The following ZNF521 variants were observed in gnomAD, a reference collection of about 807,000 sequenced individuals.
ZNF521 encodes LYST-interacting protein 3.
In ZNF521, 14 loss-of-function variants were observed where a neutral mutation model predicts 105.5. The observed-to-expected ratio is 0.13, with a 90% CI of 0.09 to 0.21. ZNF521 has a LOEUF of 0.21. ZNF521 is among the 10% of genes least tolerant of loss of function. The probability of loss-of-function intolerance (pLI) is 1.00; values close to 1 mark genes in which losing one functional copy is unlikely to be tolerated. For missense variants in ZNF521, 1,233 were observed against 1,629.7 expected, an observed-to-expected ratio of 0.76 and a Z score of 4.19; for synonymous variants, 635 against 606.0, an observed-to-expected ratio of 1.05 and a Z score of -0.70.
intron 5 of ZNF521, among the ~76,000 whole-genome samples, chr18:25,106,015 T>C (rs1483367971): frequency 2.0e-5 from 3 of 151,030 alleles, no homozygotes; most frequent in South Asian, 2.1e-4. Context: ...GGTATTCGTT[T>C]TGTTGTTGTT....
intron 5 of ZNF521, among the ~76,000 whole-genome samples, chr18:25,103,784 G>C (rs2034015499): frequency 7.1e-6 from 1 of 141,264 alleles, no homozygotes; most frequent in African/African-American, 2.7e-5. Context: ...AGAAGGGTGA[G>C]AGGAAGGAAG....
intron 5 of ZNF521, among the ~76,000 whole-genome samples, chr18:25,110,994 C>T (rs1390949135): frequency 6.6e-6 from 1 of 151,976 alleles, no homozygotes; most frequent in Non-Finnish European, 1.5e-5. Context: ...AACTCCTGGC[C>T]TTAAGTGTTC....
At chr18:25,241,922 T>G (rs150884246) in intron 3 of ZNF521, among the ~76,000 whole-genome samples, 5 of 152,322 alleles carry the variant, frequency 3.3e-5, no homozygotes, top group Admixed American at 6.5e-5. Flanking sequence ...ATGCGTGCTT[T>G]TAACAAGTAA....
chr18:25,346,484 C>T (rs1190988947), intron 2 of ZNF521, among the ~76,000 whole-genome samples: 1 of 152,150 alleles, frequency 6.6e-6, no homozygotes, highest in African/African-American at 2.4e-5. Flanking sequence ...CAGCCTAATA[C>T]ACAGGTTTTC....
intron 5 of ZNF521, among the ~76,000 whole-genome samples, chr18:25,113,793 C>CACACAG (rs1053377440): frequency 6.1e-5 from 9 of 147,864 alleles, no homozygotes; most frequent in Non-Finnish European, 1.1e-4. Context: ...CACACACACA[C>CACACAG]AGAGACGGGG....
At chr18:25,334,946 T>C (rs556636641) in intron 2 of ZNF521, among the ~76,000 whole-genome samples, 1 of 152,324 alleles carries the variant, frequency 6.6e-6, no homozygotes, top group South Asian at 2.1e-4. Context: ...CCTAACATTT[T>C]ACTGGTAAGA....
At chr18:25,297,497 T>C (rs986284579) in intron 3 of ZNF521, among the ~76,000 whole-genome samples, 1 of 152,178 alleles carries the variant, frequency 6.6e-6, no homozygotes, top group African/African-American at 2.4e-5. Context: ...TTTGAAATTT[T>C]TTGACTATAA....
At chr18:25,261,709 GCT>G (rs1362129865) in intron 3 of ZNF521, among the ~76,000 whole-genome samples, 1 of 151,628 alleles carries the variant, frequency 6.6e-6, no homozygotes, top group East Asian at 1.9e-4. Context: ...TTGAGCAGAG[GCT>G]GTCCAGTCTC....
intron 4 of ZNF521, among the ~76,000 whole-genome samples, chr18:25,216,087 G>A (rs1389571677): frequency 6.6e-6 from 1 of 152,104 alleles, no homozygotes; most frequent in East Asian, 1.9e-4. Context: ...GCAAAACTTA[G>A]TATCAGCAAT....
chr18:25,136,698 C>T (rs976654049), intron 5 of ZNF521: 22 of 152,194 alleles, frequency 1.4e-4, no homozygotes, highest in African/African-American at 4.1e-4. Context: ...GCACTGATTA[C>T]AGAGGTGTGG....
chr18:25,276,810 C>A (rs4281800), intron 3 of ZNF521, among the ~76,000 whole-genome samples: 73,661 of 152,092 alleles, frequency 0.48, 20,091 homozygotes, highest in African/African-American at 0.75. Flanking sequence ...TTTATTTTAC[C>A]TTTAACAAAA....
intron 7 of ZNF521, among the ~76,000 whole-genome samples, chr18:25,066,797 A>G (rs779424190): frequency 6.6e-6 from 1 of 152,198 alleles, no homozygotes; most frequent in Non-Finnish European, 1.5e-5. Flanking sequence ...GCCATCCACA[A>G]GCAGCCTTCT....
intron 4 of ZNF521, among the ~76,000 whole-genome samples, chr18:25,216,246 C>A (rs1031347185): frequency 6.6e-6 from 1 of 152,096 alleles, no homozygotes; most frequent in Non-Finnish European, 1.5e-5. Flanking sequence ...ATCTTCCATA[C>A]AAAAACCATA....
At position 25,096,472 on chromosome 18, in the gene ZNF521, T is replaced by C. The variant is rs565170525; in HGVS notation, c.3659-4391A>G. ...TAAATTATGAGCTCCAAGGTGGCAA[T>C]TGGTAGTTTAACACAAGACACTGAC... is the stretch of plus-strand genomic sequence containing the variant. On this transcript the variant is annotated intron_variant, in intron 5 of 7. Coordinates refer to ENST00000361524, the MANE Select transcript of ZNF521 (RefSeq NM_015461.3). Among the ~76,000 whole-genome samples, 21 of 152,332 alleles carry C rather than the reference T, an allele frequency of 1.4e-4. 1 individual carries two copies. In the South Asian group the frequency reaches 2.3e-3, roughly 17 times the overall value.
At position 25,352,113 on chromosome 18, in the gene ZNF521, GC is replaced by G; in HGVS notation, c.-111del. ...TGGCTCCAGAGGGGGCCCCTAACCCGCAGGGACTCGCTCTGTACGTAATCAC... is the reference window on the plus strand; with the variant it reads ...TGGCTCCAGAGGGGGCCCCTAACCCGAGGGACTCGCTCTGTACGTAATCAC... On this transcript the variant is annotated 5_prime_UTR_variant, in exon 1 of 8. The change creates a premature stop within an existing upstream ORF in the 5' untranslated region. Transcript: ENST00000361524. 1 of 477,576 alleles carries G rather than the reference GC, an allele frequency of 2.1e-6. No homozygotes were observed. The highest frequency in any genetic ancestry group is 1.5e-5 in the South Asian group (1 of 65,918). 29.6% of individuals were successfully genotyped at this position (477,576 alleles called of 1,614,324 possible).
intron 3 of ZNF521, among the ~76,000 whole-genome samples, chr18:25,283,407 G>A (rs1223121692): frequency 1.3e-5 from 2 of 152,090 alleles, no homozygotes; most frequent in Non-Finnish European, 2.9e-5. Context: ...CCTGGTCTCT[G>A]GTCCAACATA....
intron 4 of ZNF521, 157 bp downstream of exon 4, chr18:25,224,188 G>GCTA: frequency 2.8e-6 from 2 of 711,272 alleles, no homozygotes; most frequent in Non-Finnish European, 2.3e-6. Context: ...GCAAGTAATT[G>GCTA]CTAGCTAATG....
chr18:25,144,368 A>C (rs1238481233), intron 5 of ZNF521, among the ~76,000 whole-genome samples: 1 of 152,192 alleles, frequency 6.6e-6, no homozygotes. Flanking sequence ...AGCCAAATCA[A>C]AATTAGGCTT....
intron 3 of ZNF521, among the ~76,000 whole-genome samples, chr18:25,304,092 G>A (rs969301640): frequency 6.6e-6 from 1 of 152,098 alleles, no homozygotes; most frequent in Non-Finnish European, 1.5e-5. Context: ...TTCCTTCACT[G>A]AAGAAAATTT....
Sources: gnomAD v4.1 joint callset for allele counts (sites outside exome capture counted in the v4.1 genomes callset) on GRCh38, gnomAD v4.1.1 for gene constraint, MANE v1.5 for transcripts, NCBI Gene and HGNC (gene_info 2026-07-23, HGNC 2026-07-21) for gene names.